TMEM132D: variants seen among roughly 807,000 people sequenced by gnomAD.
TMEM132D encodes mature OL transmembrane protein.
A neutral mutation model predicts 62.3 loss-of-function variants in TMEM132D; 21 were observed. That is an observed-to-expected ratio of 0.34 (90% CI 0.24 to 0.49). The LOEUF is 0.49. Among genes scored for constraint, TMEM132D ranks in the 20% least tolerant of loss-of-function variants. The pLI is 0.99. For synonymous variants in TMEM132D, 621 were observed against 575.6 expected, an observed-to-expected ratio of 1.08 and a Z score of -1.13; for missense variants, 1,346 against 1,402.8, an observed-to-expected ratio of 0.96 and a Z score of 0.65.
At chr12:129,179,774 T>C (rs1270657481) in intron 5 of TMEM132D, among the ~76,000 whole-genome samples, 1 of 152,004 alleles carries the variant, frequency 6.6e-6, no homozygotes, top group Non-Finnish European at 1.5e-5. Context: ...ACACCTATAA[T>C]CCCAGCACTT....
intron 3 of TMEM132D, among the ~76,000 whole-genome samples, chr12:129,353,938 C>T (rs2135669932): frequency 6.6e-6 from 1 of 152,218 alleles, no homozygotes; most frequent in South Asian, 2.1e-4. Context: ...TCCTTCCCAA[C>T]ACAGACAGCT....
intron 5 of TMEM132D, among the ~76,000 whole-genome samples, chr12:129,145,458 C>T (rs1203545975): frequency 6.6e-6 from 1 of 152,116 alleles, no homozygotes; most frequent in Non-Finnish European, 1.5e-5. Context: ...AGGCCACGGA[C>T]TTCTGTCAGA....
In TMEM132D at chr12:129,636,911, A is replaced by G. The variant is rs1026765139; in HGVS notation, c.968+62899T>C. 2.7e-4 allele frequency among the ~76,000 whole-genome samples: 41 copies of G among 152,112 alleles called. 1 individual carries two copies. Among genetic ancestry groups the G allele is most frequent in the Non-Finnish European group, 2.9e-5 (2 of 68,030 alleles). On this transcript the variant is annotated intron_variant, in intron 2 of 8. Coordinates refer to ENST00000422113, the MANE Select transcript of TMEM132D (RefSeq NM_133448.3). ...CTAATGTGGACCAGTTACACTGGCA[A>G]CCTGAATTTGTAGCATACCCATAAT...
chr12:129,612,233 C>A (rs1468251793), intron 2 of TMEM132D, among the ~76,000 whole-genome samples: 2 of 152,168 alleles, frequency 1.3e-5, no homozygotes, highest in Admixed American at 6.5e-5. Context: ...GCTGATCTTA[C>A]TAAGGGGAGG....
intron 1 of TMEM132D, among the ~76,000 whole-genome samples, chr12:129,875,407 GA>G (rs1459496963): frequency 6.6e-6 from 1 of 152,210 alleles, no homozygotes; most frequent in Non-Finnish European, 1.5e-5. Flanking sequence ...CTGGAGGCTG[GA>G]AAGCCGAGAC....
chr12:129,575,285 A>G (rs1278119412), intron 2 of TMEM132D, among the ~76,000 whole-genome samples: 1 of 151,772 alleles, frequency 6.6e-6, no homozygotes, highest in Non-Finnish European at 1.5e-5. Context: ...GGCTATTAGT[A>G]ATTAAGTTTT....
At chr12:129,602,368 A>G (rs1412595214) in intron 2 of TMEM132D, among the ~76,000 whole-genome samples, 6 of 152,194 alleles carry the variant, frequency 3.9e-5, no homozygotes, top group African/African-American at 1.4e-4. Context: ...ACTGAATTTT[A>G]CTTCCTAAAG....
chr12:129,635,256 T>C (rs1281340094), intron 2 of TMEM132D, among the ~76,000 whole-genome samples: 1 of 152,240 alleles, frequency 6.6e-6, no homozygotes, highest in East Asian at 1.9e-4. Flanking sequence ...AAACTCCTCA[T>C]TTCCATCCCT....
chr12:129,139,786 A>G (rs1876684517), intron 5 of TMEM132D, among the ~76,000 whole-genome samples: 1 of 151,986 alleles, frequency 6.6e-6, no homozygotes, highest in African/African-American at 2.4e-5. Context: ...TGACCTCTTG[A>G]GCTCAATTAA....
At chr12:129,741,351 G>A (rs11060525) in intron 1 of TMEM132D, among the ~76,000 whole-genome samples, 46,140 of 151,978 alleles carry the variant, frequency 0.3, 7,142 homozygotes, top group East Asian at 0.38. Flanking sequence ...TTCATTGGAC[G>A]TGTTAATCTA....
intron 1 of TMEM132D, among the ~76,000 whole-genome samples, chr12:129,802,165 T>C (rs1871812541): frequency 6.6e-6 from 1 of 151,458 alleles, no homozygotes; most frequent in Admixed American, 6.6e-5. Context: ...AGGCCAACAT[T>C]CAGACTCAGG....
intron 3 of TMEM132D, among the ~76,000 whole-genome samples, chr12:129,340,313 T>A (rs1422849686): frequency 6.9e-6 from 1 of 144,782 alleles, no homozygotes; most frequent in Non-Finnish European, 1.5e-5. Flanking sequence ...TTCTTTTTCT[T>A]TTTTTTTATT....
At chr12:129,792,247 T>C (rs1337375254) in intron 1 of TMEM132D, among the ~76,000 whole-genome samples, 1 of 152,152 alleles carries the variant, frequency 6.6e-6, no homozygotes, top group Non-Finnish European at 1.5e-5. Flanking sequence ...TAGGGGATAG[T>C]GGTTAAAAGC....
Position 129,209,595 on chromosome 12 carries a change from G to A in TMEM132D, c.1368C>T (p.Ser456=), listed in dbSNP as rs367648175. 15 of 1,614,176 alleles carry A rather than the reference G, an allele frequency of 9.3e-6. No individual in the cohort carries two copies. The highest frequency in any genetic ancestry group is 5.0e-5 in the Admixed American group (3 of 60,034). The change falls in exon 5 of 9, where the codon TCC becomes TCT. Residue 456 remains serine (S), a synonymous_variant. Transcript: ENST00000422113. The part of the protein sequence containing the change: ...KTVAVPVKVV[S]VEDDGTVTEL... ...CTGTCACTGTGCCGTCGTCCTCCACGGAGACCACTTTCACCGGGACGGCCA... is the reference window on the plus strand; with the variant it reads ...CTGTCACTGTGCCGTCGTCCTCCACAGAGACCACTTTCACCGGGACGGCCA...
chr12:129,606,462 A>G (rs1878627582), intron 2 of TMEM132D, among the ~76,000 whole-genome samples: 1 of 152,134 alleles, frequency 6.6e-6, no homozygotes, highest in Non-Finnish European at 1.5e-5. Context: ...CATCCCTGAG[A>G]TGGTGTGGGC....
At chr12:129,164,137 C>T (rs1305594306) in intron 5 of TMEM132D, among the ~76,000 whole-genome samples, 5 of 152,160 alleles carry the variant, frequency 3.3e-5, no homozygotes, top group Non-Finnish European at 5.9e-5. Context: ...ACAGCCTGGA[C>T]TGAAAAAAAC....
intron 3 of TMEM132D, among the ~76,000 whole-genome samples, chr12:129,341,616 T>C (rs1004563701): frequency 3.9e-5 from 6 of 152,218 alleles, no homozygotes; most frequent in Admixed American, 1.3e-4. Context: ...AAATTAATAA[T>C]GTTTACTAAA....
At chr12:129,895,154 G>T (rs1222728013) in intron 1 of TMEM132D, among the ~76,000 whole-genome samples, 1 of 152,164 alleles carries the variant, frequency 6.6e-6, no homozygotes, top group Non-Finnish European at 1.5e-5. Context: ...CTGAGCTGCT[G>T]GGAATCCACC....
At chr12:129,281,595 TGGAGACCAGAA>T (rs1881154606) in intron 4 of TMEM132D, among the ~76,000 whole-genome samples, 1 of 151,838 alleles carries the variant, frequency 6.6e-6, no homozygotes, top group Non-Finnish European at 1.5e-5. Flanking sequence ...CATAAACTCA[TGGAGACCAGAA>T]GGAATCTTCC....
Sources: allele counts gnomAD v4.1 joint callset (sites outside exome capture counted in the v4.1 genomes callset), GRCh38; gene constraint gnomAD v4.1.1; transcripts MANE v1.5; gene names NCBI Gene and HGNC (gene_info 2026-07-23, HGNC 2026-07-21).